The following LYPLAL1 variants were observed in gnomAD, a reference collection of about 807,000 sequenced individuals.
LYPLAL1 encodes the protein lysophospholipase-like protein 1.
LYPLAL1 carries 23 observed loss-of-function variants against 19.7 expected under a neutral mutation model. That is an observed-to-expected ratio of 1.17 (90% confidence interval 0.84 to 1.65). The LOEUF (loss-of-function observed/expected upper bound fraction) is 1.65. LYPLAL1 is among the 40% of genes most tolerant of loss of function. LYPLAL1 has a pLI of 0.00. For missense variants in LYPLAL1, 355 were observed against 279.4 expected (o/e 1.27, Z -1.93); for synonymous variants, 119 against 96.3 (o/e 1.24, Z -1.38).
chr1:219,221,558 C>G, the LYPLAL1 span, among the ~76,000 whole-genome samples: 4 of 152,130 alleles, frequency 2.6e-5, no homozygotes, highest in African/African-American at 9.7e-5. Flanking sequence ...TCAGTTTCAA[C>G]AAGAACCCAC....
At chr1:219,327,779 G>A in the LYPLAL1 span, among the ~76,000 whole-genome samples, 2 of 152,132 alleles carry the variant, frequency 1.3e-5, no homozygotes, top group African/African-American at 4.8e-5. Context: ...AGATCTGATG[G>A]TTTTATAAGG....
At chr1:219,413,567 C>G in the LYPLAL1 span, among the ~76,000 whole-genome samples, 12 of 152,182 alleles carry the variant, frequency 7.9e-5, no homozygotes, top group African/African-American at 2.9e-4. Context: ...AGTTACCCCC[C>G]AAAGAAGGAG....
the LYPLAL1 span, among the ~76,000 whole-genome samples, chr1:219,227,198 C>G: frequency 6.6e-6 from 1 of 152,206 alleles, no homozygotes; most frequent in African/African-American, 2.4e-5. Context: ...ACGAAAATCT[C>G]TGCTCTGAGG....
chr1:219,264,457 G>C, the LYPLAL1 span, among the ~76,000 whole-genome samples: 3 of 152,170 alleles, frequency 2.0e-5, no homozygotes, highest in African/African-American at 7.2e-5. Context: ...CATGAAGAAT[G>C]TTTACCAACT....
At chr1:219,403,400 G>C in the LYPLAL1 span, among the ~76,000 whole-genome samples, 1 of 152,176 alleles carries the variant, frequency 6.6e-6, no homozygotes, top group African/African-American at 2.4e-5. Context: ...ACCAAAGAAG[G>C]TAGGATATCC....
the LYPLAL1 span, among the ~76,000 whole-genome samples, chr1:219,385,076 A>G: frequency 6.6e-6 from 1 of 152,044 alleles, no homozygotes; most frequent in African/African-American, 2.4e-5. Flanking sequence ...AGGTCAGTAA[A>G]CCTATAAGTT....
the LYPLAL1 span, among the ~76,000 whole-genome samples, chr1:219,280,151 A>G: frequency 6.6e-6 from 1 of 152,226 alleles, no homozygotes; most frequent in African/African-American, 2.4e-5. Context: ...TTCTACTGCA[A>G]TATGAAGTAT....
At chr1:219,413,069 T>G in the LYPLAL1 span, among the ~76,000 whole-genome samples, 1 of 152,124 alleles carries the variant, frequency 6.6e-6, no homozygotes, top group South Asian at 2.1e-4. Flanking sequence ...ATTAACTACT[T>G]AGAGATACTA....
At chr1:219,348,874 T>C in the LYPLAL1 span, among the ~76,000 whole-genome samples, 1 of 152,162 alleles carries the variant, frequency 6.6e-6, no homozygotes, top group Non-Finnish European at 1.5e-5. Flanking sequence ...GACAAAAATC[T>C]CCACTTTGTA....
At chr1:219,382,165 G>A in the LYPLAL1 span, among the ~76,000 whole-genome samples, 2 of 152,164 alleles carry the variant, frequency 1.3e-5, no homozygotes, top group African/African-American at 4.8e-5. Flanking sequence ...TTTTGTATAA[G>A]GTTGCCCTCT....
the LYPLAL1 span, among the ~76,000 whole-genome samples, chr1:219,316,557 G>C: frequency 1.3e-5 from 2 of 152,068 alleles, no homozygotes; most frequent in South Asian, 2.1e-4. Flanking sequence ...CACTAGCAAG[G>C]CCTCCAGGTC....
At chr1:219,304,205 A>G in the LYPLAL1 span, among the ~76,000 whole-genome samples, 1 of 152,206 alleles carries the variant, frequency 6.6e-6, no homozygotes, top group African/African-American at 2.4e-5. Flanking sequence ...TATACATAAA[A>G]CTGCAAAAGG....
the LYPLAL1 span, among the ~76,000 whole-genome samples, chr1:219,248,492 G>T: frequency 6.6e-6 from 1 of 151,998 alleles, no homozygotes; most frequent in African/African-American, 2.4e-5. Flanking sequence ...TCTGATTTTT[G>T]ATTTCTCCTT....
At chr1:219,384,848 A>T in the LYPLAL1 span, among the ~76,000 whole-genome samples, 1 of 152,214 alleles carries the variant, frequency 6.6e-6, no homozygotes, top group African/African-American at 2.4e-5. Context: ...TATATAGCTC[A>T]TCCAGAGACT....
At chr1:219,195,309 G>T (rs1038144757) in intron 3 of LYPLAL1, among the ~76,000 whole-genome samples, 3 of 151,962 alleles carry the variant, frequency 2.0e-5, no homozygotes, top group African/African-American at 7.2e-5. Flanking sequence ...TTGGCAGAAG[G>T]GGTAAGTAAA....
chr1:219,193,301 T>A, intron 3 of LYPLAL1, 50 bp downstream of exon 3: 1 of 1,436,988 alleles, frequency 7.0e-7, no homozygotes, highest in Non-Finnish European at 9.6e-7. Context: ...TTTGTCTAAT[T>A]CTATACATCA....
At position 219,203,878 on chromosome 1, in the gene LYPLAL1, A is replaced by G. The variant is rs1331986913; in HGVS notation, c.362-6654A>G. The stretch of plus-strand genomic sequence containing the variant: ...GAATGATGAAGTGCTAAACTGACAC[A>G]CTATTTTAAGACTTCAGGAATACCA... On this transcript the variant is annotated intron_variant, in intron 3 of 4. Transcript: ENST00000366928. Among the ~76,000 whole-genome samples, 5 of 152,240 alleles carry G rather than the reference A, an allele frequency of 3.3e-5. No homozygotes were observed. In the South Asian group the frequency reaches 1.0e-3, roughly 31 times the overall value.
At chr1:219,419,521 C>G in the LYPLAL1 span, among the ~76,000 whole-genome samples, 6 of 140,902 alleles carry the variant, frequency 4.3e-5, no homozygotes, top group African/African-American at 1.6e-4. Context: ...TGCTCTGGTT[C>G]CTCTTTGGGT....
At chr1:219,396,227 G>A in the LYPLAL1 span, among the ~76,000 whole-genome samples, 18 of 151,962 alleles carry the variant, frequency 1.2e-4, no homozygotes, top group East Asian at 1.9e-4. Flanking sequence ...CTTCTTTGTC[G>A]AAGATAAGAC....
Sources: allele counts gnomAD v4.1 joint callset (sites outside exome capture counted in the v4.1 genomes callset), GRCh38; gene constraint gnomAD v4.1.1; transcripts MANE v1.5; gene names NCBI Gene and HGNC (gene_info 2026-07-23, HGNC 2026-07-21).